The following COL19A1 variants were observed in gnomAD, a reference collection of about 807,000 sequenced individuals.
The protein encoded by COL19A1 is collagen type XIX alpha 1 chain.
COL19A1 carries 159 observed loss-of-function variants against 190.2 expected under a neutral mutation model. The ratio of observed to expected loss-of-function variants is 0.84; its 90% CI spans 0.73 to 0.95. The LOEUF (loss-of-function observed/expected upper bound fraction) is 0.95. Among genes scored for constraint, COL19A1 ranks in the 40% least tolerant of loss-of-function variants. The pLI is 0.00. For synonymous variants in COL19A1, 509 were observed against 458.9 expected, an observed-to-expected ratio of 1.11 and a Z score of -1.39; for missense variants, 1,418 against 1,431.9, an observed-to-expected ratio of 0.99 and a Z score of 0.16.
At chr6:70,106,373 G>A (rs1169735211) in intron 16 of COL19A1, among the ~76,000 whole-genome samples, 2 of 150,790 alleles carry the variant, frequency 1.3e-5, no homozygotes, top group Admixed American at 6.6e-5. Flanking sequence ...AGAGGACAAC[G>A]TTTTGTCCCC....
chr6:69,972,579 A>AT (rs1353692105), intron 11 of COL19A1, among the ~76,000 whole-genome samples: 2 of 152,076 alleles, frequency 1.3e-5, no homozygotes, highest in Non-Finnish European at 2.9e-5. Flanking sequence ...TATCAACCCT[A>AT]TTTTTTTCAG....
chr6:69,935,995 A>C (rs1270519781), intron 7 of COL19A1, among the ~76,000 whole-genome samples: 1 of 152,118 alleles, frequency 6.6e-6, no homozygotes, highest in Non-Finnish European at 1.5e-5. Context: ...GTGGTATACA[A>C]AGTAATGTAT....
chr6:70,128,562 A>T (rs896090819), intron 17 of COL19A1, among the ~76,000 whole-genome samples: 2 of 152,238 alleles, frequency 1.3e-5, no homozygotes, highest in Admixed American at 6.5e-5. Context: ...CAGTGGACTG[A>T]TCGGGGCCAG....
At chr6:69,959,905 C>A in intron 9 of COL19A1, 91 bp from the exon 10 acceptor site, 1 of 1,141,652 alleles carries the variant, frequency 8.8e-7, no homozygotes. Context: ...CCTTTCCCCA[C>A]AACACTAGAG....
intron 4 of COL19A1, among the ~76,000 whole-genome samples, chr6:69,905,597 GGAT>G (rs1235587897): frequency 1.3e-5 from 2 of 152,216 alleles, no homozygotes; most frequent in East Asian, 3.9e-4. Context: ...TAGGGCCAAG[GGAT>G]GGCCTTCCCA....
Position 70,209,403 on chromosome 6 carries a change from A to T in COL19A1, c.*2129A>T, listed in dbSNP as rs926142463. ...TTTCATGGACTTTTTTGCTGATGGT[A>T]ATCAACTTTTTTTGTTTTTTGGTTT... On this transcript the variant is annotated 3_prime_UTR_variant, in exon 51 of 51. Transcript: ENST00000620364. The T allele has an allele frequency of 2.1e-4, 32 of 152,104 alleles. No individual in the cohort carries two copies. The highest frequency in any genetic ancestry group is 6.5e-4 in the African/African-American group (27 of 41,422). The allele number at this position is 152,104 out of a possible 1,614,324, so 9.4% of individuals were successfully genotyped here.
intron 2 of COL19A1, among the ~76,000 whole-genome samples, chr6:69,885,013 C>T (rs552156332): frequency 6.6e-6 from 1 of 152,256 alleles, no homozygotes; most frequent in Admixed American, 6.5e-5. Context: ...TAGGCATGTG[C>T]CACCACACCT....
intron 44 of COL19A1, among the ~76,000 whole-genome samples, chr6:70,182,404 A>C (rs1470010962): frequency 6.6e-6 from 1 of 152,200 alleles, no homozygotes; most frequent in East Asian, 1.9e-4. Flanking sequence ...TGACATGTTC[A>C]TGATGGAGCA....
chr6:70,198,452 A>G (rs1273558847), intron 48 of COL19A1, among the ~76,000 whole-genome samples: 5 of 152,238 alleles, frequency 3.3e-5, no homozygotes, highest in African/African-American at 1.2e-4. Context: ...AAAAGAAAAA[A>G]CAATGCGATT....
At chr6:70,044,774 T>C (rs1345299636) in intron 14 of COL19A1, among the ~76,000 whole-genome samples, 1 of 152,162 alleles carries the variant, frequency 6.6e-6, no homozygotes, top group South Asian at 2.1e-4. Flanking sequence ...TTTTTTCCCA[T>C]CTAATTCCAT....
intron 2 of COL19A1, among the ~76,000 whole-genome samples, chr6:69,898,641 CG>C (rs1769954195): frequency 6.6e-6 from 1 of 152,050 alleles, no homozygotes; most frequent in Non-Finnish European, 1.5e-5. Context: ...GAAAGTTTAA[CG>C]ATGTTAAAAC....
chr6:69,936,627 G>C (rs1025213276), intron 7 of COL19A1, among the ~76,000 whole-genome samples, 158 bp from the exon 8 acceptor site: 1 of 152,142 alleles, frequency 6.6e-6, no homozygotes, highest in Non-Finnish European at 1.5e-5. Flanking sequence ...AAGTGCAAAA[G>C]TGTGATAAAC....
chr6:70,167,677 G>A (rs1249813893), intron 37 of COL19A1, among the ~76,000 whole-genome samples: 1 of 152,132 alleles, frequency 6.6e-6, no homozygotes, highest in Admixed American at 6.5e-5. Flanking sequence ...GCTGTAAACA[G>A]TTAGTATAAA....
chr6:69,870,748 A>T (rs1767776085), intron 1 of COL19A1, among the ~76,000 whole-genome samples: 1 of 152,188 alleles, frequency 6.6e-6, no homozygotes, highest in African/African-American at 2.4e-5. Flanking sequence ...AGGTGGAAAT[A>T]AAGGGAACAA....
Position 70,179,188 on chromosome 6 carries a change from C to T in COL19A1, c.2668-1124C>T, listed in dbSNP as rs547140747. ...CCTGCCTAGCTTTGCCATTCAGCAC[C>T]GTATCTCTACCTATGGAGGGATCTC... is the stretch of plus-strand genomic sequence containing the variant. On this transcript the variant is annotated intron_variant, in intron 42 of 50. Transcript: ENST00000620364. 3.0e-4 allele frequency among the ~76,000 whole-genome samples: 46 copies of T among 152,268 alleles called. 1 individual carries two copies. The South Asian group carries it at 9.1e-3, about 30-fold the overall frequency.
At position 69,998,274 on chromosome 6, in the gene COL19A1, A is replaced by AATTT. The variant is rs563385894; in HGVS notation, c.1027-25332_1027-25329dup. ...CAGACAATTTTATTTTTTGCAACAC[A>AATTT]ATTTATTTATTTATTTATTTATTTT... On this transcript the variant is annotated intron_variant, in intron 11 of 50. Transcript: ENST00000620364. 4.7e-3 allele frequency among the ~76,000 whole-genome samples: 718 copies of AATTT among 152,092 alleles called. 6 individuals carry two copies. Among genetic ancestry groups the AATTT allele is most frequent in the African/African-American group, 0.016 (678 of 41,496 alleles).
intron 11 of COL19A1, among the ~76,000 whole-genome samples, chr6:69,990,576 C>T (rs74510993): frequency 1.1e-3 from 171 of 152,042 alleles, no homozygotes; most frequent in Non-Finnish European, 1.6e-3. Flanking sequence ...GTTAAAGAAT[C>T]GGGGTTGTTT....
At chr6:69,995,233 T>C (rs1302555867) in intron 11 of COL19A1, among the ~76,000 whole-genome samples, 1 of 152,194 alleles carries the variant, frequency 6.6e-6, no homozygotes, top group East Asian at 1.9e-4. Flanking sequence ...TGTTAGTATT[T>C]ATAGAAGTTA....
At chr6:70,060,541 A>G (rs1212179479) in intron 14 of COL19A1, among the ~76,000 whole-genome samples, 1 of 152,044 alleles carries the variant, frequency 6.6e-6, no homozygotes, top group Non-Finnish European at 1.5e-5. Flanking sequence ...CTCCTGTCAG[A>G]TCAGTGGCTG....
Sources: gnomAD v4.1 joint callset for allele counts (sites outside exome capture counted in the v4.1 genomes callset) on GRCh38, gnomAD v4.1.1 for gene constraint, MANE v1.5 for transcripts, NCBI Gene and HGNC (gene_info 2026-07-23, HGNC 2026-07-21) for gene names.